The following MAGEB16 variants were observed in gnomAD, a reference collection of about 807,000 sequenced individuals.
MAGEB16 encodes melanoma-associated antigen B16.
For synonymous variants in MAGEB16, 95 were observed against 92.1 expected (o/e 1.03, Z -0.18); for missense variants, 217 against 234.0 (o/e 0.93, Z 0.47).
chrX:35,802,164 C>A, exon 2 of MAGEB16: 1 of 1,209,127 alleles, frequency 8.3e-7, no homozygotes, highest in East Asian at 3.0e-5. Flanking sequence ...CTCCTGTCCA[C>A]ACTCCTGCCT....
At chrX:35,801,360 G>T (rs1934860759) in intron 1 of MAGEB16, 1 of 111,602 alleles carries the variant, frequency 9.0e-6, no homozygotes, top group Admixed American at 9.5e-5. Flanking sequence ...GGTGGAGAGT[G>T]GCATTAGTAT....
chrX:35,800,058 C>A (rs1934849655), intron 1 of MAGEB16, among the ~76,000 whole-genome samples: 1 of 111,258 alleles, frequency 9.0e-6, no homozygotes, highest in Non-Finnish European at 1.9e-5. Context: ...ACAGTCTCCA[C>A]CCATGGTGTC....
exon 2 of MAGEB16, chrX:35,803,173 T>C: frequency 8.6e-7 from 1 of 1,162,751 alleles, no homozygotes; most frequent in South Asian, 2.0e-5. Context: ...AGAATTTGAG[T>C]CAGGGCTGAC....
At chrX:35,802,895 A>T (rs373728948) in exon 2 of MAGEB16, 95 of 1,210,131 alleles carry the variant, frequency 7.9e-5, no homozygotes, top group Non-Finnish European at 9.8e-5. Context: ...ATTTGACGGG[A>T]GTATATTCTG....
chrX:35,802,867 A>G, exon 2 of MAGEB16: 1 of 1,211,692 alleles, frequency 8.3e-7, no homozygotes. Context: ...ACTGAAGAGG[A>G]AGTCTGGGAA....
chrX:35,799,872 C>T (rs1934847885), intron 1 of MAGEB16, among the ~76,000 whole-genome samples: 1 of 111,764 alleles, frequency 8.9e-6, no homozygotes, highest in South Asian at 3.8e-4. Context: ...GATATGGGGG[C>T]CCACCAGTCA....
chrX:35,799,768 C>T (rs1474914659), intron 1 of MAGEB16, among the ~76,000 whole-genome samples: 1 of 111,396 alleles, frequency 9.0e-6, no homozygotes, highest in Non-Finnish European at 1.9e-5. Flanking sequence ...AGGATAAGTC[C>T]CAGACCATGA....
At chrX:35,800,477 C>T in intron 1 of MAGEB16, 1 of 524,274 alleles carries the variant, frequency 1.9e-6, no homozygotes, top group East Asian at 3.6e-5. Context: ...TCTTCCTTTA[C>T]AGTTGCCACA....
At chrX:35,803,022 C>T in exon 2 of MAGEB16, 1 of 1,212,026 alleles carries the variant, frequency 8.3e-7, no homozygotes, top group Middle Eastern at 2.3e-4. Context: ...ATATGAATTC[C>T]TGTGGGGCCC....
chrX:35,800,124 C>G (rs987356913), intron 1 of MAGEB16, among the ~76,000 whole-genome samples: 1 of 111,037 alleles, frequency 9.0e-6, no homozygotes, highest in African/African-American at 3.3e-5. Flanking sequence ...TTGGTAGTCA[C>G]TGAGGGGTGA....
chrX:35,800,303 A>T (rs1934851413), intron 1 of MAGEB16, among the ~76,000 whole-genome samples: 1 of 111,368 alleles, frequency 9.0e-6, no homozygotes, highest in African/African-American at 3.3e-5. Flanking sequence ...TGGAAGTCCA[A>T]GGCAGGAGTG....
At chrX:35,802,063 C>T in intron 1 of MAGEB16, 68 bp from the exon 2 acceptor site, 3 of 782,812 alleles carry the variant, frequency 3.8e-6, no homozygotes, top group Non-Finnish European at 5.5e-6. Context: ...TAGGCAGTGG[C>T]TTCCATCAGA....
chrX:35,800,827 A>G (rs949689935), intron 1 of MAGEB16, among the ~76,000 whole-genome samples: 2 of 111,775 alleles, frequency 1.8e-5, no homozygotes, highest in African/African-American at 6.5e-5. Context: ...CCCAGAAAAG[A>G]GTAATCGCCA....
chrX:35,800,524 A>G, intron 1 of MAGEB16: 1 of 525,353 alleles, frequency 1.9e-6, no homozygotes, highest in Non-Finnish European at 3.5e-6. Flanking sequence ...CAGGAGTGGC[A>G]TTAGCTATCA....
At position 35,802,104 on chromosome X, in the gene MAGEB16, C is replaced by T. The variant is rs774064580; in HGVS notation, c.-66-27C>T. On this transcript the variant is annotated intron_variant, in intron 1 of 1. Coordinates refer to ENST00000399988, the Ensembl canonical transcript of MAGEB16. ...CGCAGTTGAGTTTACCAGCTGAGGA[C>T]ATTTACACCCTTTCTCTCTCCCTTA... The T allele has an allele frequency of 9.9e-5, 110 of 1,111,434 alleles. No homozygotes were observed. The African/African-American group carries it at 1.8e-3, about 19-fold the overall frequency. 91.6% of individuals were successfully genotyped at this position (1,111,434 alleles called of 1,213,427 possible).
Position 35,802,965 on chromosome X carries a change from G to T in MAGEB16, c.769G>T (p.Glu257Ter), listed in dbSNP as rs1217553815. ...GCTCATCACCAAAGATTTTGTGAAG[G>T]AGAAGTACCTGGAGTACCAGCAGGT... is the stretch of plus-strand genomic sequence containing the variant. The change falls in exon 2 of 2, where the codon GAG becomes TAG. Residue 257 changes from glutamate to a stop codon, truncating the protein, a stop_gained. Coordinates refer to ENST00000399988, the Ensembl canonical transcript of MAGEB16. LOFTEE classifies it low-confidence loss of function (END_TRUNC). 1.2e-5 allele frequency: 14 copies of T among 1,210,253 alleles called. No homozygotes were observed. Among genetic ancestry groups the T allele is most frequent in the Non-Finnish European group, 1.6e-5 (14 of 895,250 alleles).
rs73461111 is a variant in MAGEB16 at position 35,798,347 on chromosome X, C to T, written c.-138C>T. ...CCTCTTCTGAGTCCGAGGACTGTGA[C>T]GACCTTATCTGAGGAAGGTGCACCC... On this transcript the variant is annotated 5_prime_UTR_variant, in exon 1 of 2. It adds an upstream start codon to the 5' untranslated region. Coordinates refer to ENST00000399988, the Ensembl canonical transcript of MAGEB16. The T allele has an allele frequency of 9.3e-5, 10 of 108,060 alleles. No individual in the cohort carries two copies. The highest frequency in any genetic ancestry group is 3.3e-4 in the African/African-American group (10 of 29,925). 8.9% of individuals were successfully genotyped at this position (108,060 alleles called of 1,213,427 possible).
chrX:35,798,629 G>A (rs1934834099), intron 1 of MAGEB16: 1 of 111,451 alleles, frequency 9.0e-6, no homozygotes, highest in Non-Finnish European at 1.9e-5. Flanking sequence ...GCCCTTGAGT[G>A]AGTGCTGAGT....
At chrX:35,798,694 C>T (rs1173688016) in intron 1 of MAGEB16, 1 of 111,757 alleles carries the variant, frequency 8.9e-6, no homozygotes, top group Non-Finnish European at 1.9e-5. Flanking sequence ...GAGTGAGGGC[C>T]GGCCTGTTTG....
Sources: allele counts gnomAD v4.1 joint callset (sites outside exome capture counted in the v4.1 genomes callset), GRCh38; gene constraint gnomAD v4.1.1; transcripts MANE v1.5; gene names NCBI Gene and HGNC (gene_info 2026-07-23, HGNC 2026-07-21).